The following SLC28A3 variants were observed in gnomAD, a reference collection of about 807,000 sequenced individuals.
The protein encoded by SLC28A3 is solute carrier family 28 member 3, also known as concentrative Na(+)-nucleoside cotransporter 3.
In SLC28A3, 68 loss-of-function variants were observed where a neutral mutation model predicts 84.2. The observed-to-expected ratio is 0.81, with a 90% confidence interval of 0.66 to 0.99. The LOEUF (loss-of-function observed/expected upper bound fraction) is 0.99. Among genes scored for constraint, SLC28A3 ranks in the 50% least tolerant of loss-of-function variants. The pLI is 0.00. For synonymous variants in SLC28A3, 267 were observed against 303.6 expected (o/e 0.88, Z 1.25); for missense variants, 712 against 841.5 (o/e 0.85, Z 1.90).
At chr9:84,305,441 G>T in intron 3 of SLC28A3, 96 bp from the exon 4 acceptor site, 1 of 1,012,568 alleles carries the variant, frequency 9.9e-7, no homozygotes. Context: ...AAACTAAGAA[G>T]GCAAACAAAC....
At chr9:84,349,897 C>A in the SLC28A3 span, among the ~76,000 whole-genome samples, 2 of 152,150 alleles carry the variant, frequency 1.3e-5, no homozygotes, top group Non-Finnish European at 2.9e-5. Flanking sequence ...CCATGTGTTA[C>A]TTAACAATGG....
chr9:84,357,502 C>T, the SLC28A3 span, among the ~76,000 whole-genome samples: 5 of 151,790 alleles, frequency 3.3e-5, no homozygotes, highest in Non-Finnish European at 5.9e-5. Context: ...CCTGGCCTGC[C>T]GCTCCTGTTG....
rs1243461753 is a variant in SLC28A3 at position 84,277,452 on chromosome 9, A to T, written c.*766T>A. 2.0e-5 allele frequency: 3 copies of T among 152,232 alleles called. No homozygotes were observed. The highest frequency in any genetic ancestry group is 2.0e-4 in the Admixed American group (3 of 15,284). The allele number at this position is 152,232 out of a possible 1,614,324, so 9.4% of individuals were successfully genotyped here. A position where few individuals can be genotyped will look rare whatever the true frequency, so the allele number is the denominator to read the frequency against. On this transcript the variant is annotated 3_prime_UTR_variant, in exon 18 of 18. Transcript: ENST00000376238. ...GTTCCCACCTTTCTTTTCCCTCTTA[A>T]GACCAACATGCCCCCCTTAGAGGCT...
intron 1 of SLC28A3, among the ~76,000 whole-genome samples, chr9:84,331,259 A>C (rs1311203382): frequency 6.6e-6 from 1 of 152,188 alleles, no homozygotes; most frequent in Admixed American, 6.5e-5. Context: ...TTTTAATTGA[A>C]TATAGGAAGC....
At chr9:84,310,907 A>G (rs1825967240) in intron 2 of SLC28A3, among the ~76,000 whole-genome samples, 1 of 152,202 alleles carries the variant, frequency 6.6e-6, no homozygotes, top group South Asian at 2.1e-4. Flanking sequence ...CTTGCAGTGA[A>G]AGTACCCCAA....
In SLC28A3 at chr9:84,291,803, C is replaced by T. The variant is rs573883407; in HGVS notation, c.1023+865G>A. On this transcript the variant is annotated intron_variant, in intron 10 of 17. Transcript: ENST00000376238. ...TTCCTTGGGCAGTGGTGCTGGCAAG[C>T]GTTCATACCTGGTTTTCGTGGCGTG... 2.6e-5 allele frequency among the ~76,000 whole-genome samples: 4 copies of T among 152,250 alleles called. No individual in the cohort carries two copies. The South Asian group carries it at 6.2e-4, about 24-fold the overall frequency.
upstream of SLC28A3, among the ~76,000 whole-genome samples, chr9:84,344,313 C>A (rs191742520): frequency 3.4e-4 from 51 of 151,644 alleles, no homozygotes; most frequent in African/African-American, 9.7e-4. Flanking sequence ...CTCAGTCTCC[C>A]GAGTAGCTGA....
chr9:84,364,819 G>T, the SLC28A3 span, among the ~76,000 whole-genome samples: 6,684 of 152,184 alleles, frequency 0.044, 208 homozygotes, highest in African/African-American at 0.09. Context: ...ATGATCTCCA[G>T]TTTCATCTAT....
At chr9:84,289,746 G>T (rs1197036081) in intron 11 of SLC28A3, among the ~76,000 whole-genome samples, 4 of 152,262 alleles carry the variant, frequency 2.6e-5, no homozygotes, top group African/African-American at 9.6e-5. Flanking sequence ...AGAGACAAAT[G>T]AATAGAAGTA....
chr9:84,345,910 C>T, the SLC28A3 span, among the ~76,000 whole-genome samples: 1 of 152,224 alleles, frequency 6.6e-6, no homozygotes, highest in Non-Finnish European at 1.5e-5. Context: ...TTGGTAGAAG[C>T]TATGGCTCAT....
chr9:84,290,340 A>C, intron 10 of SLC28A3, 61 bp from the exon 11 acceptor site: 2 of 1,584,252 alleles, frequency 1.3e-6, no homozygotes, highest in Non-Finnish European at 1.7e-6. Flanking sequence ...AGGGGAAGGC[A>C]TGCCAATCTA....
chr9:84,292,814 A>G (rs1457068031), intron 9 of SLC28A3, 66 bp from the exon 10 acceptor site: 2 of 1,104,074 alleles, frequency 1.8e-6, no homozygotes, highest in African/African-American at 3.3e-5. Flanking sequence ...CAAAGTAGGG[A>G]TTAAAATCCT....
chr9:84,307,889 G>T (rs1191719393), intron 3 of SLC28A3, among the ~76,000 whole-genome samples: 1 of 152,154 alleles, frequency 6.6e-6, no homozygotes, highest in African/African-American at 2.4e-5. Flanking sequence ...ACCTCCTGAT[G>T]GCTGTTTCAG....
At chr9:84,358,544 T>C in the SLC28A3 span, among the ~76,000 whole-genome samples, 7 of 152,184 alleles carry the variant, frequency 4.6e-5, no homozygotes, top group African/African-American at 7.2e-5. Flanking sequence ...GCATCTGCCA[T>C]ACAGGGTCCT....
intron 1 of SLC28A3, among the ~76,000 whole-genome samples, chr9:84,332,917 G>C (rs1292494016): frequency 6.6e-6 from 1 of 152,194 alleles, no homozygotes; most frequent in East Asian, 1.9e-4. Flanking sequence ...TGGCTTCACA[G>C]TGGTAGAAGG....
chr9:84,290,561 C>T (rs2118157383), intron 10 of SLC28A3, among the ~76,000 whole-genome samples: 1 of 152,300 alleles, frequency 6.6e-6, no homozygotes, highest in East Asian at 1.9e-4. Flanking sequence ...CCATCGACGT[C>T]TGGGTTATTT....
At chr9:84,291,502 A>C (rs7047898) in intron 10 of SLC28A3, among the ~76,000 whole-genome samples, 18,306 of 152,098 alleles carry the variant, frequency 0.12, 1,160 homozygotes, top group Admixed American at 0.15. Context: ...ATGCCCAGCT[A>C]ATTTTGTGTT....
chr9:84,306,994 C>CAAAAAAA (rs150442323), intron 3 of SLC28A3, among the ~76,000 whole-genome samples: 2 of 25,936 alleles, frequency 7.7e-5, no homozygotes, highest in African/African-American at 1.5e-4. Context: ...CTTGTCTCTA[C>CAAAAAAA]AAAAAAAAAA....
At chr9:84,328,592 C>T (rs990770519) in intron 1 of SLC28A3, among the ~76,000 whole-genome samples, 1 of 152,106 alleles carries the variant, frequency 6.6e-6, no homozygotes, top group African/African-American at 2.4e-5. Flanking sequence ...AACCCCATCT[C>T]TACTAAAAAT....
Sources: gnomAD v4.1 joint callset for allele counts (sites outside exome capture counted in the v4.1 genomes callset) on GRCh38, gnomAD v4.1.1 for gene constraint, MANE v1.5 for transcripts, NCBI Gene and HGNC (gene_info 2026-07-23, HGNC 2026-07-21) for gene names.